The following GRIK4 variants were observed in gnomAD, a reference collection of about 807,000 sequenced individuals.
GRIK4 encodes glutamate receptor ionotropic, kainate 4.
A neutral mutation model predicts 104.9 loss-of-function variants in GRIK4; 40 were observed. The observed-to-expected ratio is 0.38, with a 90% CI of 0.30 to 0.50. The LOEUF (loss-of-function observed/expected upper bound fraction) is 0.50. Ranked by LOEUF, GRIK4 falls within the 20% of genes least tolerant of loss-of-function variation. The pLI, the probability that GRIK4 is intolerant of heterozygous loss-of-function variation, is 0.93. For synonymous variants in GRIK4, 485 were observed against 524.9 expected, an observed-to-expected ratio of 0.92 and a Z score of 1.04; for missense variants, 1,047 against 1,308.1, an observed-to-expected ratio of 0.80 and a Z score of 3.08.
At position 120,787,852 on chromosome 11, in the gene GRIK4, C is replaced by CTTTTTTTTTTTTTTTTTTTTT. The variant is rs58523604; in HGVS notation, c.83-14832_83-14812dup. On this transcript the variant is annotated intron_variant, in intron 3 of 20. Transcript: ENST00000527524. ...TTTCTTCTCTTTTTTCTTTTCTTTT[C>CTTTTTTTTTTTTTTTTTTTTT]TTTTTTTTTTTTTTTTTTTTTTTTT... Among the ~76,000 whole-genome samples, 336 of 77,086 alleles carry CTTTTTTTTTTTTTTTTTTTTT rather than the reference C, an allele frequency of 4.4e-3. 37 individuals are homozygous for CTTTTTTTTTTTTTTTTTTTTT. The highest frequency in any genetic ancestry group is 5.9e-3 in the African/African-American group (95 of 16,210). The allele number at this position is 77,086 out of a possible 152,430, so 50.6% of individuals were successfully genotyped here. A position where few individuals can be genotyped will look rare whatever the true frequency, so the allele number is the denominator to read the frequency against.
At chr11:120,950,709 T>C (rs1943980587) in intron 14 of GRIK4, among the ~76,000 whole-genome samples, 1 of 152,206 alleles carries the variant, frequency 6.6e-6, no homozygotes, top group African/African-American at 2.4e-5. Flanking sequence ...CCTCTCTGTG[T>C]CTTCCTGTGT....
At chr11:120,631,857 C>T (rs1161438432) in intron 1 of GRIK4, among the ~76,000 whole-genome samples, 2 of 152,190 alleles carry the variant, frequency 1.3e-5, no homozygotes, top group East Asian at 3.9e-4. Context: ...ACACAGGTTC[C>T]ATCTGCTCCA....
At chr11:120,595,493 T>C (rs934150922) in intron 1 of GRIK4, among the ~76,000 whole-genome samples, 1 of 152,178 alleles carries the variant, frequency 6.6e-6, no homozygotes, top group Non-Finnish European at 1.5e-5. Flanking sequence ...AGAGGGAAGG[T>C]GCTCACCACC....
chr11:120,796,447 G>A (rs1027209546), intron 3 of GRIK4, among the ~76,000 whole-genome samples: 1 of 152,126 alleles, frequency 6.6e-6, no homozygotes, highest in Non-Finnish European at 1.5e-5. Flanking sequence ...CAGATAGAAG[G>A]ATAAATACCC....
At chr11:120,553,488 TG>T (rs1948158666) in intron 1 of GRIK4, among the ~76,000 whole-genome samples, 1 of 151,814 alleles carries the variant, frequency 6.6e-6, no homozygotes, top group Non-Finnish European at 1.5e-5. Context: ...AAAGGGAGGA[TG>T]TGGAAAGAGA....
chr11:120,696,960 C>T (rs1292095365), intron 3 of GRIK4, among the ~76,000 whole-genome samples: 1 of 152,192 alleles, frequency 6.6e-6, no homozygotes, highest in African/African-American at 2.4e-5. Context: ...TGTCTGGAAC[C>T]CTGGCAGCCA....
chr11:120,887,637 G>A (rs1592041191), intron 11 of GRIK4, among the ~76,000 whole-genome samples: 2 of 152,176 alleles, frequency 1.3e-5, no homozygotes. Context: ...GCCACAAACG[G>A]GAATTTATTC....
intron 3 of GRIK4, among the ~76,000 whole-genome samples, chr11:120,669,933 T>TA (rs1465569844): frequency 6.6e-6 from 1 of 152,230 alleles, no homozygotes; most frequent in African/African-American, 2.4e-5. Context: ...CTGGGATGTC[T>TA]AACAGAAACT....
At position 120,558,460 on chromosome 11, in the gene GRIK4, C is replaced by T. The variant is rs7931265; in HGVS notation, c.-159+46573C>T. Among the ~76,000 whole-genome samples the T allele has an allele frequency of 3.4e-3, 516 of 152,238 alleles. 6 individuals carry two copies. Among genetic ancestry groups the T allele is most frequent in the African/African-American group, 0.012 (497 of 41,536 alleles). On this transcript the variant is annotated intron_variant, in intron 1 of 20. Coordinates refer to ENST00000527524, the MANE Select transcript of GRIK4 (RefSeq NM_014619.5). ...AAAATTAGCTGGGTGTGGTGGTGTG[C>T]GCCTGTAGTCCCAGCTACTCGGGAG...
chr11:120,653,126 T>C lies in GRIK4; in HGVS notation c.-158-559T>C, dbSNP rs527607398. Among the ~76,000 whole-genome samples, 12 of 152,352 alleles carry C rather than the reference T, an allele frequency of 7.9e-5. No individual in the cohort carries two copies. In the East Asian group the frequency reaches 2.3e-3, roughly 29 times the overall value. ...GCATGCATGCATTTGACAGTATTTA[T>C]GTGTAGCTGCTGCATGCCAGGCACT... On this transcript the variant is annotated intron_variant, in intron 1 of 20. Coordinates refer to ENST00000527524, the MANE Select transcript of GRIK4 (RefSeq NM_014619.5).
chr11:120,878,248 A>C (rs952245715), intron 11 of GRIK4, among the ~76,000 whole-genome samples: 3 of 152,232 alleles, frequency 2.0e-5, no homozygotes, highest in Non-Finnish European at 2.9e-5. Flanking sequence ...AGAGTGCTTC[A>C]TAAAAGTTGG....
chr11:120,885,081 AAC>A (rs1055677977), intron 11 of GRIK4, among the ~76,000 whole-genome samples: 2 of 152,284 alleles, frequency 1.3e-5, no homozygotes, highest in African/African-American at 4.8e-5. Flanking sequence ...TGGTGCGTTT[AAC>A]AAATGAAGCC....
chr11:120,667,015 T>G (rs1949926175), intron 3 of GRIK4, among the ~76,000 whole-genome samples: 1 of 152,188 alleles, frequency 6.6e-6, no homozygotes, highest in East Asian at 1.9e-4. Context: ...GAATGGGCTT[T>G]TTTGGATACC....
intron 4 of GRIK4, among the ~76,000 whole-genome samples, chr11:120,813,786 C>G (rs1370587375): frequency 1.3e-5 from 2 of 152,172 alleles, no homozygotes; most frequent in African/African-American, 4.8e-5. Flanking sequence ...ACCTCAATTG[C>G]TAGGCCAGGG....
intron 6 of GRIK4, among the ~76,000 whole-genome samples, chr11:120,822,456 C>T (rs748912905): frequency 4.6e-5 from 7 of 152,144 alleles, no homozygotes; most frequent in Admixed American, 1.3e-4. Flanking sequence ...AGTGCACCAT[C>T]GTCATTACAC....
chr11:120,650,845 C>A (rs1056219613), intron 1 of GRIK4, among the ~76,000 whole-genome samples: 1 of 152,224 alleles, frequency 6.6e-6, no homozygotes, highest in African/African-American at 2.4e-5. Flanking sequence ...AAGCACTTTA[C>A]TCACCTGCAA....
intron 4 of GRIK4, among the ~76,000 whole-genome samples, chr11:120,810,844 G>A (rs1952814711): frequency 6.6e-6 from 1 of 152,148 alleles, no homozygotes; most frequent in Non-Finnish European, 1.5e-5. Context: ...TAGCACTGTA[G>A]TGTCATATGA....
intron 11 of GRIK4, among the ~76,000 whole-genome samples, chr11:120,896,907 G>A (rs1942598076): frequency 6.6e-6 from 1 of 152,190 alleles, no homozygotes; most frequent in African/African-American, 2.4e-5. Context: ...GTCTCTCCTG[G>A]CTGCCCACCT....
At chr11:120,515,213 C>T (rs1161023208) in intron 1 of GRIK4, among the ~76,000 whole-genome samples, 1 of 152,158 alleles carries the variant, frequency 6.6e-6, no homozygotes, top group Non-Finnish European at 1.5e-5. Flanking sequence ...ATATATTGCC[C>T]AGCCTTCAAG....
Sources: gnomAD v4.1 joint callset for allele counts (sites outside exome capture counted in the v4.1 genomes callset) on GRCh38, gnomAD v4.1.1 for gene constraint, MANE v1.5 for transcripts, NCBI Gene and HGNC (gene_info 2026-07-23, HGNC 2026-07-21) for gene names.